Variants in CTIF observed in about 807,000 individuals in gnomAD.
The protein encoded by CTIF is cap binding complex dependent translation initiation factor.
A neutral mutation model predicts 66.0 loss-of-function variants in CTIF; 21 were observed. That is an observed-to-expected ratio of 0.32 (90% CI 0.23 to 0.46). CTIF has a LOEUF of 0.46. CTIF is among the 20% of genes least tolerant of loss of function. The pLI, the probability that CTIF is intolerant of heterozygous loss-of-function variation, is 1.00. For synonymous variants in CTIF, 345 were observed against 326.4 expected (o/e 1.06, Z -0.62); for missense variants, 739 against 812.7 (o/e 0.91, Z 1.10).
intron 10 of CTIF, among the ~76,000 whole-genome samples, chr18:48,829,805 C>T (rs574396008): frequency 1.3e-5 from 2 of 152,370 alleles, no homozygotes; most frequent in South Asian, 2.1e-4. Flanking sequence ...CTCCAACCGA[C>T]TCCAGCTCTC....
chr18:48,665,725 A>G (rs748941777), intron 5 of CTIF, among the ~76,000 whole-genome samples: 5 of 152,204 alleles, frequency 3.3e-5, no homozygotes, highest in African/African-American at 7.2e-5. Context: ...AGAAACAGTC[A>G]TATGTGACCT....
chr18:48,709,471 C>T (rs1219668547), intron 6 of CTIF, among the ~76,000 whole-genome samples: 2 of 152,252 alleles, frequency 1.3e-5, no homozygotes, highest in Non-Finnish European at 2.9e-5. Context: ...GCTGGAGGCC[C>T]ACACCGAGGA....
intron 6 of CTIF, among the ~76,000 whole-genome samples, chr18:48,702,849 G>A (rs935137549): frequency 6.6e-6 from 1 of 151,792 alleles, no homozygotes; most frequent in African/African-American, 2.4e-5. Flanking sequence ...ATTTATTTCT[G>A]CTTGGACGTG....
intron 1 of CTIF, chr18:48,567,413 C>T (rs190782399): frequency 6.6e-6 from 1 of 152,336 alleles, no homozygotes; most frequent in East Asian, 1.9e-4. Flanking sequence ...GAGGAGGTAA[C>T]TTATACTTGA....
intron 10 of CTIF, among the ~76,000 whole-genome samples, chr18:48,856,196 G>A (rs1303866561): frequency 6.6e-6 from 1 of 152,232 alleles, no homozygotes; most frequent in East Asian, 1.9e-4. Context: ...CAGGCACTCG[G>A]TGTCAGCACA....
chr18:48,684,232 A>G (rs1418434944), intron 6 of CTIF, among the ~76,000 whole-genome samples: 2 of 152,174 alleles, frequency 1.3e-5, no homozygotes, highest in Non-Finnish European at 2.9e-5. Flanking sequence ...TGGGCCCCAA[A>G]CACTTGAACC....
chr18:48,721,072 A>G lies in CTIF; in HGVS notation c.584+9377A>G, dbSNP rs138830643. Among the ~76,000 whole-genome samples the G allele has an allele frequency of 1.9e-3, 285 of 152,322 alleles. 1 individual carries two copies. Among genetic ancestry groups the G allele is most frequent in the African/African-American group, 6.5e-3 (272 of 41,580 alleles). ...CCCCTGTGCCCACCAGGCAGTGGGCATCCCCTAGTTCTGTGCCCACAGTTG... is the reference window on the plus strand; with the variant it reads ...CCCCTGTGCCCACCAGGCAGTGGGCGTCCCCTAGTTCTGTGCCCACAGTTG... On this transcript the variant is annotated intron_variant, in intron 7 of 11. Coordinates refer to ENST00000256413, the MANE Select transcript of CTIF (RefSeq NM_014772.3).
intron 1 of CTIF, among the ~76,000 whole-genome samples, chr18:48,608,176 G>A (rs1433015863): frequency 6.6e-6 from 1 of 152,084 alleles, no homozygotes; most frequent in Admixed American, 6.5e-5. Context: ...GAGAGTGTAT[G>A]GGTCTGCAGA....
chr18:48,711,581 A>T, intron 6 of CTIF, 38 bp from the exon 7 acceptor site: 1 of 1,541,064 alleles, frequency 6.5e-7, no homozygotes. Flanking sequence ...CTCTTTCAGG[A>T]GTTACTAATG....
intron 9 of CTIF, among the ~76,000 whole-genome samples, chr18:48,793,765 G>C (rs1599054423): frequency 6.6e-6 from 1 of 152,306 alleles, no homozygotes; most frequent in South Asian, 2.1e-4. Context: ...CAGGAAAATA[G>C]ATGAGTTCAA....
At chr18:48,814,297 G>A (rs1345275170) in intron 9 of CTIF, among the ~76,000 whole-genome samples, 2 of 152,180 alleles carry the variant, frequency 1.3e-5, no homozygotes, top group South Asian at 2.1e-4. Flanking sequence ...ATGGTTGCAC[G>A]TTAGAATCAG....
chr18:48,779,858 C>A (rs1013883090), intron 9 of CTIF, among the ~76,000 whole-genome samples: 3 of 152,200 alleles, frequency 2.0e-5, no homozygotes, highest in Admixed American at 6.5e-5. Flanking sequence ...CCACTTAGAT[C>A]GGTATGTTTT....
At chr18:48,687,838 C>G (rs1433544010) in intron 6 of CTIF, among the ~76,000 whole-genome samples, 1 of 152,196 alleles carries the variant, frequency 6.6e-6, no homozygotes, top group Non-Finnish European at 1.5e-5. Context: ...CGCCTGAGTC[C>G]CGCTGTCCTT....
chr18:48,552,313 G>T (rs371282967), intron 1 of CTIF, among the ~76,000 whole-genome samples: 2 of 152,218 alleles, frequency 1.3e-5, no homozygotes, highest in African/African-American at 4.8e-5. Flanking sequence ...AACTGAGGAC[G>T]GGTTCTCTGA....
chr18:48,805,497 G>C (rs1003364585), intron 9 of CTIF, among the ~76,000 whole-genome samples: 5 of 152,270 alleles, frequency 3.3e-5, no homozygotes, highest in Admixed American at 3.3e-4. Flanking sequence ...ACTCGGGGTT[G>C]GGGTGGAGCT....
At chr18:48,644,207 T>A (rs1042308275) in intron 3 of CTIF, among the ~76,000 whole-genome samples, 1 of 152,192 alleles carries the variant, frequency 6.6e-6, no homozygotes, top group African/African-American at 2.4e-5. Flanking sequence ...ATTTGTTCTT[T>A]CACCTATTGA....
intron 3 of CTIF, among the ~76,000 whole-genome samples, chr18:48,637,730 G>A (rs1168327638): frequency 6.6e-6 from 1 of 152,164 alleles, no homozygotes; most frequent in Non-Finnish European, 1.5e-5. Context: ...GGCTGCCCAG[G>A]ATGGTTCTTT....
intron 7 of CTIF, among the ~76,000 whole-genome samples, chr18:48,718,480 A>AGC: frequency 6.6e-6 from 1 of 152,282 alleles, no homozygotes; most frequent in Non-Finnish European, 1.5e-5. Flanking sequence ...AAGAAACAGG[A>AGC]GCATGTATGA....
chr18:48,744,482 T>C (rs189809642), intron 7 of CTIF, among the ~76,000 whole-genome samples: 25 of 152,316 alleles, frequency 1.6e-4, no homozygotes, highest in Admixed American at 1.3e-4. Context: ...GCAGGAATAG[T>C]ACAAAGAATT....
Sources: gnomAD v4.1 joint callset for allele counts (sites outside exome capture counted in the v4.1 genomes callset) on GRCh38, gnomAD v4.1.1 for gene constraint, MANE v1.5 for transcripts, NCBI Gene and HGNC (gene_info 2026-07-23, HGNC 2026-07-21) for gene names.